Variants in GPI observed in about 807,000 individuals in gnomAD.
The protein encoded by GPI is glucose-6-phosphate isomerase, also known as D-hexose-6-phosphate anomerase.
Under a neutral mutation model 75.8 loss-of-function variants are expected in GPI, and 56 were observed. The ratio of observed to expected loss-of-function variants is 0.74; its 90% CI spans 0.60 to 0.92. The LOEUF (loss-of-function observed/expected upper bound fraction) is 0.92. Ranked by LOEUF, GPI falls within the 40% of genes least tolerant of loss-of-function variation. GPI has a pLI of 0.00. For synonymous variants in GPI, 288 were observed against 285.4 expected, an observed-to-expected ratio of 1.01 and a Z score of -0.09; for missense variants, 638 against 741.0, an observed-to-expected ratio of 0.86 and a Z score of 1.61.
At chr19:34,395,816 C>T (rs1401669003) in intron 12 of GPI, among the ~76,000 whole-genome samples, 1 of 151,770 alleles carries the variant, frequency 6.6e-6, no homozygotes, top group Non-Finnish European at 1.5e-5. Context: ...CCTGGAGCAT[C>T]TGGGCAGGAC....
Position 34,366,357 on chromosome 19 carries a change from C to T in GPI, c.135C>T (p.Asn45=). Residue 45 remains asparagine (N), a synonymous_variant, in exon 2 of 18, where the codon AAC becomes AAT. Coordinates refer to ENST00000356487, the MANE Select transcript of GPI (RefSeq NM_000175.5). ...DRFNHFSLTL[N]TNHGHILVDY... ...CATCTTTCTGCAGCTTGACCCTCAA[C>T]ACCAACCATGGGCATATCCTGGTGG... 1 of 1,611,174 alleles carries T rather than the reference C, an allele frequency of 6.2e-7. No individual in the cohort carries two copies.
At chr19:34,388,040 G>C (rs1344556206) in intron 9 of GPI, among the ~76,000 whole-genome samples, 1 of 152,172 alleles carries the variant, frequency 6.6e-6, no homozygotes, top group Non-Finnish European at 1.5e-5. Context: ...AGCTGGGACA[G>C]GTATCTGTTC....
chr19:34,362,612 A>G (rs2074307089), upstream of GPI, among the ~76,000 whole-genome samples: 1 of 152,112 alleles, frequency 6.6e-6, no homozygotes, highest in Non-Finnish European at 1.5e-5. Context: ...GTGAATGACA[A>G]CTGAACTCCA....
chr19:34,378,110 C>G (rs1180123970), intron 6 of GPI, among the ~76,000 whole-genome samples: 1 of 152,196 alleles, frequency 6.6e-6, no homozygotes, highest in Non-Finnish European at 1.5e-5. Flanking sequence ...GTGTCCTGAC[C>G]ACACCCGCTC....
chr19:34,362,766 A>G (rs775357616), upstream of GPI, among the ~76,000 whole-genome samples: 6 of 152,330 alleles, frequency 3.9e-5, no homozygotes, highest in South Asian at 8.3e-4. Flanking sequence ...ACCAGGGGCT[A>G]GAGCTCAGGT....
chr19:34,398,537 T>C (rs4355042), intron 14 of GPI: 151,925 of 152,046 alleles, frequency 1, 75,902 homozygotes, highest in Non-Finnish European at 1. Context: ...TGCAGTAGTG[T>C]GACCTTGACT....
chr19:34,399,807 G>A (rs1194076627), intron 17 of GPI, 22 bp downstream of exon 17: 2 of 1,613,562 alleles, frequency 1.2e-6, no homozygotes, highest in Non-Finnish European at 1.7e-6. Flanking sequence ...ACTTAGGGGA[G>A]GGCCGGGAAT....
chr19:34,370,469 A>G (rs1349045043), intron 4 of GPI, among the ~76,000 whole-genome samples: 2 of 152,168 alleles, frequency 1.3e-5, no homozygotes, highest in African/African-American at 4.8e-5. Context: ...CTGTAATCCC[A>G]GCACTCTGGG....
chr19:34,390,863 T>C (rs978269360), intron 9 of GPI, among the ~76,000 whole-genome samples: 1 of 139,328 alleles, frequency 7.2e-6, no homozygotes, highest in East Asian at 2.1e-4. Context: ...GGCACAGGTA[T>C]GAGTATCTGG....
At chr19:34,365,704 AGTT>A (rs1247317599) in intron 1 of GPI, 1 of 542,116 alleles carries the variant, frequency 1.8e-6, no homozygotes, top group East Asian at 4.5e-5. Flanking sequence ...CTCCTTTCGC[AGTT>A]GTGAAGAGAG....
intron 9 of GPI, chr19:34,392,351 G>A (rs554601814): frequency 1.0e-3 from 4 of 4,012 alleles, no homozygotes; most frequent in Non-Finnish European, 1.8e-3. Context: ...GAGGAAGTAG[G>A]ATCTGATACA....
chr19:34,393,596 T>G lies in GPI; in HGVS notation c.866-132T>G, dbSNP rs765085472. On this transcript the variant is annotated intron_variant, in intron 10 of 17. Coordinates refer to ENST00000356487, the MANE Select transcript of GPI (RefSeq NM_000175.5). The surrounding 1 kb of genome is among the most constrained non-coding windows in gnomAD (Gnocchi z 4.4). ...CACCTCTCACTGGAGGGGCTTTGTCTAGGTCCGAGTCCTCCCATGTCGTAT... is the reference window on the plus strand; with the variant it reads ...CACCTCTCACTGGAGGGGCTTTGTCGAGGTCCGAGTCCTCCCATGTCGTAT... 2.3e-6 allele frequency: 2 copies of G among 875,670 alleles called. No homozygotes were observed. Among genetic ancestry groups the G allele is most frequent in the African/African-American group, 1.6e-5 (1 of 60,890 alleles). 54.2% of individuals were successfully genotyped at this position (875,670 alleles called of 1,614,324 possible). A position where few individuals can be genotyped will look rare whatever the true frequency, so the allele number is the denominator to read the frequency against.
At chr19:34,383,662 G>T (rs1254283986) in intron 9 of GPI, among the ~76,000 whole-genome samples, 1 of 152,194 alleles carries the variant, frequency 6.6e-6, no homozygotes, top group Non-Finnish European at 1.5e-5. Context: ...AGATGCGGGA[G>T]AGGTAGGAAT....
At chr19:34,371,086 G>T (rs1337063813) in intron 4 of GPI, among the ~76,000 whole-genome samples, 1 of 152,256 alleles carries the variant, frequency 6.6e-6, no homozygotes, top group East Asian at 1.9e-4. Flanking sequence ...ATCAGTCTGG[G>T]TGTGCTCAGC....
intron 4 of GPI, among the ~76,000 whole-genome samples, chr19:34,375,112 GA>G (rs1441553050): frequency 1.3e-5 from 2 of 149,178 alleles, no homozygotes; most frequent in Non-Finnish European, 3.0e-5. Context: ...TATAACAAAT[GA>G]CATCAAAACT....
At position 34,396,161 on chromosome 19, in the gene GPI, C is replaced by T. The variant is rs2074941314; in HGVS notation, c.1063-140C>T. ...CCATGTTAATCAGGCTGGTCTCAAA[C>T]TTCCAACCTCAGGTGATCCGCCTGC... is the stretch of plus-strand genomic sequence containing the variant. On this transcript the variant is annotated intron_variant, in intron 12 of 17. Coordinates refer to ENST00000356487, the MANE Select transcript of GPI (RefSeq NM_000175.5). 3.5e-6 allele frequency: 3 copies of T among 845,362 alleles called. No individual in the cohort carries two copies. In the Admixed American group the frequency reaches 6.1e-5, roughly 17 times the overall value. 52.4% of individuals were successfully genotyped at this position (845,362 alleles called of 1,614,324 possible). A position where few individuals can be genotyped will look rare whatever the true frequency, so the allele number is the denominator to read the frequency against.
intron 4 of GPI, among the ~76,000 whole-genome samples, chr19:34,374,080 C>A (rs1294721590): frequency 1.3e-5 from 2 of 151,824 alleles, no homozygotes; most frequent in Non-Finnish European, 2.9e-5. Flanking sequence ...GATTCTCCTG[C>A]CTTAGCCTCC....
At chr19:34,373,113 G>C (rs995861221) in intron 4 of GPI, among the ~76,000 whole-genome samples, 1 of 151,488 alleles carries the variant, frequency 6.6e-6, no homozygotes, top group African/African-American at 2.4e-5. Flanking sequence ...TAGTCTGGGT[G>C]CTGTGGCTCA....
chr19:34,377,627 C>A, intron 5 of GPI, 41 bp downstream of exon 5: 1 of 1,577,098 alleles, frequency 6.3e-7, no homozygotes, highest in Non-Finnish European at 8.7e-7. Flanking sequence ...GGAGTCTGGG[C>A]ACTGTTGGTC....
Sources: gnomAD v4.1 joint callset for allele counts (sites outside exome capture counted in the v4.1 genomes callset) on GRCh38, gnomAD v4.1.1 for gene constraint, Gnocchi (gnomAD v3.1) non-coding constraint, MANE v1.5 for transcripts, NCBI Gene and HGNC (gene_info 2026-07-23, HGNC 2026-07-21) for gene names.